The following DTD1 variants were observed in gnomAD, a reference collection of about 807,000 sequenced individuals.
DTD1 encodes D-aminoacyl-tRNA deacylase 1.
DTD1 carries 13 observed loss-of-function variants against 25.6 expected under a neutral mutation model. That is an observed-to-expected ratio of 0.51 (90% confidence interval 0.33 to 0.81). The LOEUF is 0.81. DTD1 is among the 30% of genes least tolerant of loss of function. The pLI is 0.02. For missense variants in DTD1, 193 were observed against 266.4 expected, an observed-to-expected ratio of 0.72 and a Z score of 1.92; for synonymous variants, 110 against 103.6, an observed-to-expected ratio of 1.06 and a Z score of -0.37.
chr20:18,707,804 C>T (rs1045852022), intron 4 of DTD1, among the ~76,000 whole-genome samples: 5 of 152,092 alleles, frequency 3.3e-5, no homozygotes, highest in African/African-American at 4.8e-5. Context: ...TGTCCTTATG[C>T]TGCTTCCTTT....
At chr20:18,632,333 C>A (rs1485551771) in intron 4 of DTD1, 5 of 985,458 alleles carry the variant, frequency 5.1e-6, no homozygotes, top group East Asian at 2.3e-4. Flanking sequence ...AGTTTCCTGG[C>A]CCCCAGAAGC....
At chr20:18,734,124 C>T (rs2061248008) in intron 4 of DTD1, among the ~76,000 whole-genome samples, 1 of 152,140 alleles carries the variant, frequency 6.6e-6, no homozygotes, top group Admixed American at 6.5e-5. Flanking sequence ...GGATGTAGGT[C>T]TCTATAGATC....
chr20:18,627,380 T>G (rs1255891270), intron 3 of DTD1, among the ~76,000 whole-genome samples: 1 of 152,168 alleles, frequency 6.6e-6, no homozygotes, highest in Non-Finnish European at 1.5e-5. Context: ...AAGCAGTGCC[T>G]TCCATGGAGG....
chr20:18,664,610 G>T (rs985642063), intron 4 of DTD1, among the ~76,000 whole-genome samples: 1 of 152,202 alleles, frequency 6.6e-6, no homozygotes, highest in Non-Finnish European at 1.5e-5. Flanking sequence ...TTGGGGAATG[G>T]ATTTGGCTCA....
At chr20:18,638,170 CCCATCCATCCATCCATCCAT>C (rs55689427) in intron 4 of DTD1, among the ~76,000 whole-genome samples, 3 of 150,584 alleles carry the variant, frequency 2.0e-5, no homozygotes, top group African/African-American at 4.9e-5. Context: ...CCTCCATCTG[CCCATCCATCCATCCATCCAT>C]CCATCCATCC....
At chr20:18,741,875 A>G (rs2061279218) in intron 4 of DTD1, among the ~76,000 whole-genome samples, 1 of 145,394 alleles carries the variant, frequency 6.9e-6, no homozygotes, top group South Asian at 2.2e-4. Flanking sequence ...GGCATGTGCC[A>G]CCACGCCTGG....
chr20:18,604,990 TTG>T, intron 3 of DTD1, among the ~76,000 whole-genome samples: 1 of 43,852 alleles, frequency 2.3e-5, no homozygotes, highest in Non-Finnish European at 5.9e-5. Context: ...CAAATTGTCC[TTG>T]TTTGCAGATG....
rs2122417070 is a variant in DTD1 at position 18,683,468 on chromosome 20, A to G, written c.477+55235A>G. 2.0e-5 allele frequency among the ~76,000 whole-genome samples: 3 copies of G among 152,304 alleles called. No homozygotes were observed. In the South Asian group the frequency reaches 6.2e-4, roughly 32 times the overall value. On this transcript the variant is annotated intron_variant, in intron 4 of 5. Coordinates refer to ENST00000377452, the MANE Select transcript of DTD1 (RefSeq NM_080820.6). ...TTCCTTAGTACCCAACAGCAAGCCA[A>G]TAGTCATTTCTCGAGTGGCATATAC...
intron 4 of DTD1, among the ~76,000 whole-genome samples, chr20:18,713,519 G>A (rs2122481533): frequency 6.6e-6 from 1 of 152,314 alleles, no homozygotes; most frequent in East Asian, 1.9e-4. Context: ...GCTGCTCAGT[G>A]TTTTTGGTCC....
chr20:18,711,003 T>C (rs951128896), intron 4 of DTD1, among the ~76,000 whole-genome samples: 22 of 152,348 alleles, frequency 1.4e-4, no homozygotes, highest in African/African-American at 5.1e-4. Flanking sequence ...TTACTTGAAA[T>C]CACTTTGGTT....
chr20:18,653,086 G>A (rs1366596623), intron 4 of DTD1, among the ~76,000 whole-genome samples: 2 of 152,114 alleles, frequency 1.3e-5, no homozygotes, highest in African/African-American at 4.8e-5. Context: ...TGGCCACATG[G>A]CATTGACTTA....
At chr20:18,600,158 A>G (rs2060628069) in intron 3 of DTD1, among the ~76,000 whole-genome samples, 1 of 152,140 alleles carries the variant, frequency 6.6e-6, no homozygotes, top group African/African-American at 2.4e-5. Flanking sequence ...TGCCTTTGGT[A>G]TTATATCTAA....
At chr20:18,724,046 G>A (rs1023122212) in intron 4 of DTD1, among the ~76,000 whole-genome samples, 5 of 152,194 alleles carry the variant, frequency 3.3e-5, no homozygotes, top group African/African-American at 4.8e-5. Flanking sequence ...GGCGGAAAAG[G>A]GAATGTCCCT....
chr20:18,646,097 C>A (rs1459021920), intron 4 of DTD1, among the ~76,000 whole-genome samples: 1 of 152,192 alleles, frequency 6.6e-6, no homozygotes, highest in African/African-American at 2.4e-5. Flanking sequence ...CTGGGAGAGA[C>A]CAAAGCAGAA....
intron 5 of DTD1, among the ~76,000 whole-genome samples, chr20:18,758,923 A>G (rs1345658266): frequency 6.6e-6 from 1 of 152,034 alleles, no homozygotes; most frequent in Non-Finnish European, 1.5e-5. Flanking sequence ...GTGCTTCTGT[A>G]TTGGGTGCAT....
Position 18,596,763 on chromosome 20 carries a change from AT to A in DTD1, c.370+524del, listed in dbSNP as rs557213828. 2.3e-4 allele frequency among the ~76,000 whole-genome samples: 34 copies of A among 150,250 alleles called. 2 individuals carry two copies. The highest frequency in any genetic ancestry group is 1.1e-3 in the Admixed American group (16 of 15,096). On this transcript the variant is annotated intron_variant, in intron 3 of 5. Coordinates refer to ENST00000377452, the MANE Select transcript of DTD1 (RefSeq NM_080820.6). ...TTTTTCTAAATAAAGGCTTTATTTG[AT>A]TAGAGCAGTTTTAGGTTCACAGTAA...
chr20:18,594,728 G>C (rs2060603086), intron 2 of DTD1, among the ~76,000 whole-genome samples: 1 of 152,186 alleles, frequency 6.6e-6, no homozygotes, highest in African/African-American at 2.4e-5. Flanking sequence ...TACTATTTCA[G>C]TGATGGTGGT....
chr20:18,761,305 C>T (rs1338956494), intron 5 of DTD1, among the ~76,000 whole-genome samples: 1 of 152,134 alleles, frequency 6.6e-6, no homozygotes, highest in Non-Finnish European at 1.5e-5. Flanking sequence ...CATTCGTCTT[C>T]TGCGTGGCTC....
At chr20:18,715,528 C>T (rs1035680195) in intron 4 of DTD1, among the ~76,000 whole-genome samples, 2 of 152,064 alleles carry the variant, frequency 1.3e-5, no homozygotes, top group African/African-American at 4.8e-5. Flanking sequence ...GGTGGGATGG[C>T]CATCGACTGA....
Sources: gnomAD v4.1 joint callset for allele counts (sites outside exome capture counted in the v4.1 genomes callset) on GRCh38, gnomAD v4.1.1 for gene constraint, MANE v1.5 for transcripts, NCBI Gene and HGNC (gene_info 2026-07-23, HGNC 2026-07-21) for gene names.